PTTG1IP: variants seen among roughly 807,000 people sequenced by gnomAD.
The protein encoded by PTTG1IP is pituitary tumor-transforming gene 1 protein-interacting protein.
PTTG1IP carries 16 observed loss-of-function variants against 24.4 expected under a neutral mutation model. That is an observed-to-expected ratio of 0.66 (90% CI 0.44 to 1.00). The LOEUF (loss-of-function observed/expected upper bound fraction) is 1.00. PTTG1IP is among the 50% of genes least tolerant of loss of function. PTTG1IP has a pLI of 0.00. For synonymous variants in PTTG1IP, 89 were observed against 96.8 expected (o/e 0.92, Z 0.47); for missense variants, 241 against 245.8 (o/e 0.98, Z 0.13).
rs138357182 is a variant in PTTG1IP, at chr21:44,856,334, G to A, written c.308C>T (p.Ser103Leu). 3.0e-5 allele frequency: 49 copies of A among 1,613,726 alleles called. No individual in the cohort carries two copies. The highest frequency in any genetic ancestry group is 4.5e-5 in the East Asian group (2 of 44,890). The change falls in exon 4 of 6, where the codon TCG becomes TTG. Residue 103 changes from serine (S) to leucine (L), a missense_variant. Physicochemically the swap from Ser to Leu is moderately radical, Grantham distance 145. Coordinates refer to ENST00000330938, the MANE Select transcript of PTTG1IP (RefSeq NM_004339.4). ...VNFEALIITM[S>L]VVGGTLLLGI... ...CAGGAGGAGGGTTCCCCCGACTACC[G>A]ACATGGTGATGATCAGCGCCTCAAA...
Position 44,859,426 on chromosome 21 carries a change from T to C in PTTG1IP, c.277+1737A>G, listed in dbSNP as rs746498511. On this transcript the variant is annotated intron_variant, in intron 3 of 5. Transcript: ENST00000330938. ...GCATTATGTAGGCTATAAGCCGCGG[T>C]CCATGTAGGCACACACGTGTGCATT... is the stretch of plus-strand genomic sequence containing the variant. Among the ~76,000 whole-genome samples the C allele has an allele frequency of 5.9e-5, 9 of 151,636 alleles. 1 individual carries two copies. In the South Asian group the frequency reaches 1.2e-3, roughly 21 times the overall value.
intron 1 of PTTG1IP, among the ~76,000 whole-genome samples, chr21:44,871,173 G>GT (rs1203900431): frequency 6.6e-6 from 1 of 152,258 alleles, no homozygotes; most frequent in Non-Finnish European, 1.5e-5. Flanking sequence ...AAGACTAGGA[G>GT]TATGTATCAA....
At chr21:44,854,978 T>C (rs1414175129) in intron 5 of PTTG1IP, among the ~76,000 whole-genome samples, 1 of 152,212 alleles carries the variant, frequency 6.6e-6, no homozygotes, top group Non-Finnish European at 1.5e-5. Context: ...AACAGCTATC[T>C]GAGAAAACAG....
chr21:44,863,242 G>C (rs1385941252), intron 2 of PTTG1IP, among the ~76,000 whole-genome samples: 2 of 104,014 alleles, frequency 1.9e-5, no homozygotes, highest in Non-Finnish European at 3.7e-5. Context: ...GGCCTCAGCA[G>C]CAGAGACACA....
At chr21:44,855,135 C>A (rs1385928748) in intron 5 of PTTG1IP, 75 bp downstream of exon 5, 38 of 1,459,524 alleles carry the variant, frequency 2.6e-5, no homozygotes, top group Non-Finnish European at 5.7e-6. Context: ...TCAGGCCACA[C>A]TGGCACTAAC....
At chr21:44,867,751 C>T (rs1016508883) in intron 1 of PTTG1IP, among the ~76,000 whole-genome samples, 2 of 152,086 alleles carry the variant, frequency 1.3e-5, no homozygotes, top group African/African-American at 2.4e-5. Flanking sequence ...GGTATACAAG[C>T]GCGCACCACA....
At chr21:44,861,096 C>A (rs1010082781) in intron 3 of PTTG1IP, 67 bp downstream of exon 3, 77 of 1,427,300 alleles carry the variant, frequency 5.4e-5, no homozygotes, top group South Asian at 3.0e-4. Context: ...GCCACCGCGC[C>A]CGGCCCATAC....
At chr21:44,865,683 G>A (rs889658477) in intron 1 of PTTG1IP, 25 of 597,578 alleles carry the variant, frequency 4.2e-5, no homozygotes, top group Middle Eastern at 4.0e-4. Flanking sequence ...ATAAACATGC[G>A]GCTCCTATCC....
intron 1 of PTTG1IP, chr21:44,865,992 C>A: frequency 5.3e-6 from 1 of 188,780 alleles, no homozygotes; most frequent in Non-Finnish European, 1.1e-5. Flanking sequence ...GCTCCCTGTA[C>A]CAACCTGTAC....
chr21:44,873,495 C>A lies in PTTG1IP; in HGVS notation c.115+7G>T, dbSNP rs1254476555. Reference sequence around the variant, plus strand: ...CTTCGCGGCCCCGCCCGCCCCGGCGCCCTCACCAGCTCCGGGAGGCTCCTG... The same window carrying A: ...CTTCGCGGCCCCGCCCGCCCCGGCGACCTCACCAGCTCCGGGAGGCTCCTG... On this transcript the variant is annotated splice_region_variant and intron_variant, in intron 1 of 5. Coordinates refer to ENST00000330938, the MANE Select transcript of PTTG1IP (RefSeq NM_004339.4). 4 of 1,418,866 alleles carry A rather than the reference C, an allele frequency of 2.8e-6. No homozygotes were observed. The highest frequency in any genetic ancestry group is 3.1e-5 in the East Asian group (1 of 32,296). The allele number at this position is 1,418,866 out of a possible 1,614,324, so 87.9% of individuals were successfully genotyped here.
At chr21:44,859,112 C>T (rs562922333) in intron 3 of PTTG1IP, among the ~76,000 whole-genome samples, 3 of 152,248 alleles carry the variant, frequency 2.0e-5, no homozygotes, top group Non-Finnish European at 2.9e-5. Context: ...CATGGCTGAA[C>T]AGCTGTAGAA....
intron 1 of PTTG1IP, among the ~76,000 whole-genome samples, chr21:44,866,279 C>T (rs1569326348): frequency 1.5e-5 from 2 of 135,802 alleles, no homozygotes; most frequent in African/African-American, 2.8e-5. Flanking sequence ...CGCAGACTGC[C>T]TACTCCCCCA....
intron 5 of PTTG1IP, among the ~76,000 whole-genome samples, chr21:44,852,582 G>A (rs1049611197): frequency 2.6e-5 from 4 of 152,164 alleles, no homozygotes; most frequent in African/African-American, 7.2e-5. Flanking sequence ...TGGAAGAGGC[G>A]GCGGGGAAGC....
chr21:44,873,395 C>T (rs1382834477), intron 1 of PTTG1IP, 107 bp downstream of exon 1: 4 of 1,091,250 alleles, frequency 3.7e-6, no homozygotes, highest in Non-Finnish European at 4.6e-6. Context: ...TGGGCCCAGG[C>T]CGCCCGCCGA....
chr21:44,853,951 C>T (rs1220207641), intron 5 of PTTG1IP, among the ~76,000 whole-genome samples: 1 of 152,220 alleles, frequency 6.6e-6, no homozygotes, highest in East Asian at 1.9e-4. Context: ...GGTCACAGCA[C>T]AGTCACATGG....
chr21:44,853,139 A>G (rs956069848), intron 5 of PTTG1IP, among the ~76,000 whole-genome samples: 1 of 152,202 alleles, frequency 6.6e-6, no homozygotes. Context: ...GTGCTTGGTG[A>G]TAACAGGTGC....
intron 1 of PTTG1IP, among the ~76,000 whole-genome samples, chr21:44,871,111 T>C (rs1336229023): frequency 6.6e-6 from 1 of 152,320 alleles, no homozygotes. Flanking sequence ...AGGGCAGATA[T>C]GGAGACAAAA....
intron 1 of PTTG1IP, among the ~76,000 whole-genome samples, chr21:44,866,972 CTT>C (rs1198678053): frequency 6.6e-6 from 1 of 152,216 alleles, no homozygotes; most frequent in Non-Finnish European, 1.5e-5. Context: ...CAATTCCACT[CTT>C]AGTATTTCAT....
At chr21:44,858,539 A>G (rs1307554309) in intron 3 of PTTG1IP, among the ~76,000 whole-genome samples, 2 of 152,166 alleles carry the variant, frequency 1.3e-5, no homozygotes, top group Non-Finnish European at 2.9e-5. Flanking sequence ...TAACCAAACA[A>G]GCCCATCGCA....
Sources: allele counts gnomAD v4.1 joint callset (sites outside exome capture counted in the v4.1 genomes callset), GRCh38; gene constraint gnomAD v4.1.1; transcripts MANE v1.5; gene names NCBI Gene and HGNC (gene_info 2026-07-23, HGNC 2026-07-21).